The following ITPR2 variants were observed in gnomAD, a reference collection of about 807,000 sequenced individuals.
ITPR2 encodes inositol 1,4,5-trisphosphate receptor type 2.
Under a neutral mutation model 317.1 loss-of-function variants are expected in ITPR2, and 207 were observed. The ratio of observed to expected loss-of-function variants is 0.65; its 90% CI spans 0.58 to 0.73. ITPR2 has a LOEUF of 0.73. Among genes scored for constraint, ITPR2 ranks in the 30% least tolerant of loss-of-function variants. The probability of loss-of-function intolerance (pLI) is 0.00; values close to 1 mark genes in which losing one functional copy is unlikely to be tolerated. For synonymous variants in ITPR2, 1,156 were observed against 1,149.1 expected (o/e 1.01, Z -0.12); for missense variants, 2,613 against 3,284.0 (o/e 0.80, Z 4.99).
chr12:26,393,382 C>T lies in ITPR2; in HGVS notation c.7696+5494G>A, dbSNP rs975392213. ...CTAACATATATGAGATGAATTATAT[C>T]ATTTGTGTGGTTGGAGCTTCTGGGA... is the stretch of plus-strand genomic sequence containing the variant. On this transcript the variant is annotated intron_variant, in intron 54 of 56. Transcript: ENST00000381340. Among the ~76,000 whole-genome samples the T allele has an allele frequency of 1.2e-4, 19 of 152,088 alleles. 1 individual carries two copies. The highest frequency in any genetic ancestry group is 2.9e-5 in the Non-Finnish European group (2 of 68,024).
chr12:26,534,291 A>G (rs925133188), intron 37 of ITPR2, among the ~76,000 whole-genome samples: 1 of 152,228 alleles, frequency 6.6e-6, no homozygotes, highest in African/African-American at 2.4e-5. Context: ...GTATGCAAAC[A>G]TGTGAATTTC....
chr12:26,524,075 G>A (rs1943741715), intron 37 of ITPR2, among the ~76,000 whole-genome samples: 1 of 151,806 alleles, frequency 6.6e-6, no homozygotes, highest in Non-Finnish European at 1.5e-5. Flanking sequence ...ATTAAAACCA[G>A]TCACACAGTA....
chr12:26,635,624 A>C (rs1296415099), intron 21 of ITPR2, among the ~76,000 whole-genome samples: 1 of 152,220 alleles, frequency 6.6e-6, no homozygotes, highest in African/African-American at 2.4e-5. Flanking sequence ...ACATATTTTT[A>C]ATAGTTGGAT....
At chr12:26,532,697 G>GT (rs960096266) in intron 37 of ITPR2, among the ~76,000 whole-genome samples, 4 of 151,906 alleles carry the variant, frequency 2.6e-5, no homozygotes, top group African/African-American at 7.3e-5. Context: ...AATTCTTTTT[G>GT]TTTTTTTGGA....
intron 40 of ITPR2, 73 bp from the exon 41 acceptor site, chr12:26,486,433 AGGTACCC>A: frequency 1.8e-6 from 2 of 1,142,170 alleles, no homozygotes; most frequent in Non-Finnish European, 2.5e-6. Flanking sequence ...AAAACAAACC[AGGTACCC>A]AAATTCTCTA....
At chr12:26,761,441 C>T (rs567439533) in intron 2 of ITPR2, among the ~76,000 whole-genome samples, 2 of 152,140 alleles carry the variant, frequency 1.3e-5, no homozygotes, top group South Asian at 4.2e-4. Context: ...CAGTGACTGG[C>T]CCTAAAGAAA....
intron 2 of ITPR2, among the ~76,000 whole-genome samples, chr12:26,739,114 T>C (rs1949184761): frequency 6.6e-6 from 1 of 152,164 alleles, no homozygotes; most frequent in South Asian, 2.1e-4. Flanking sequence ...TAGATACCAC[T>C]ACAAAACCAC....
intron 37 of ITPR2, among the ~76,000 whole-genome samples, chr12:26,535,853 G>T (rs1322743199): frequency 6.6e-6 from 1 of 152,156 alleles, no homozygotes; most frequent in Non-Finnish European, 1.5e-5. Context: ...AAGAAAAGAA[G>T]AAAGGAATCC....
intron 21 of ITPR2, among the ~76,000 whole-genome samples, chr12:26,653,439 A>G (rs1266135070): frequency 6.6e-6 from 1 of 151,764 alleles, no homozygotes; most frequent in Non-Finnish European, 1.5e-5. Context: ...ACGGGTTTTC[A>G]CCATGTTGGC....
At chr12:26,813,852 A>G (rs947195216) in intron 1 of ITPR2, among the ~76,000 whole-genome samples, 2 of 152,208 alleles carry the variant, frequency 1.3e-5, no homozygotes, top group Admixed American at 1.3e-4. Context: ...CAATTTTTAT[A>G]TCCTGCTTGT....
intron 45 of ITPR2, among the ~76,000 whole-genome samples, chr12:26,459,133 G>A (rs910735522): frequency 1.2e-4 from 19 of 152,148 alleles, no homozygotes; most frequent in African/African-American, 4.3e-4. Flanking sequence ...CAAATATGAG[G>A]AGCCTCAGGA....
At chr12:26,377,599 C>T (rs555411301) in intron 55 of ITPR2, among the ~76,000 whole-genome samples, 74 of 152,290 alleles carry the variant, frequency 4.9e-4, no homozygotes, top group Middle Eastern at 6.8e-3. Flanking sequence ...TTCTCCAATA[C>T]TTGATTTACA....
intron 49 of ITPR2, 56 bp downstream of exon 49, chr12:26,427,857 T>C (rs556252742): frequency 8.7e-7 from 1 of 1,146,024 alleles, no homozygotes; most frequent in Non-Finnish European, 1.2e-6. Context: ...TATTTTTATA[T>C]TTCATACACT....
intron 9 of ITPR2, among the ~76,000 whole-genome samples, chr12:26,705,471 C>T (rs1354361587): frequency 6.6e-6 from 1 of 152,104 alleles, no homozygotes; most frequent in East Asian, 1.9e-4. Flanking sequence ...ATAATTTCCT[C>T]ATGATTCTAC....
intron 15 of ITPR2, among the ~76,000 whole-genome samples, chr12:26,662,917 C>A (rs1947535746): frequency 6.6e-6 from 1 of 152,102 alleles, no homozygotes; most frequent in Non-Finnish European, 1.5e-5. Flanking sequence ...GTAATCCCCC[C>A]ACCTTGGCCT....
intron 52 of ITPR2, 104 bp from the exon 53 acceptor site, chr12:26,400,362 C>A: frequency 2.1e-6 from 1 of 487,114 alleles, no homozygotes; most frequent in South Asian, 7.8e-5. Flanking sequence ...CATACATATA[C>A]ATAAGTATGT....
At chr12:26,567,224 G>C (rs185834853) in intron 34 of ITPR2, among the ~76,000 whole-genome samples, 13 of 152,290 alleles carry the variant, frequency 8.5e-5, no homozygotes, top group Non-Finnish European at 1.5e-4. Flanking sequence ...AATGACACCA[G>C]TGAAAATTTA....
intron 7 of ITPR2, 76 bp from the exon 8 acceptor site, chr12:26,715,521 G>T: frequency 7.6e-7 from 1 of 1,323,094 alleles, no homozygotes; most frequent in Non-Finnish European, 1.0e-6. Flanking sequence ...TGCTACTCTG[G>T]GCCCTTCTAC....
At chr12:26,786,876 T>C (rs1950262719) in intron 2 of ITPR2, among the ~76,000 whole-genome samples, 1 of 152,224 alleles carries the variant, frequency 6.6e-6, no homozygotes, top group African/African-American at 2.4e-5. Flanking sequence ...AGCTGAACTG[T>C]TGATATGCTA....
Sources: gnomAD v4.1 joint callset for allele counts (sites outside exome capture counted in the v4.1 genomes callset) on GRCh38, gnomAD v4.1.1 for gene constraint, MANE v1.5 for transcripts, NCBI Gene and HGNC (gene_info 2026-07-23, HGNC 2026-07-21) for gene names.